The following GUF1 variants were observed in gnomAD, a reference collection of about 807,000 sequenced individuals.
GUF1 encodes the protein GTP binding elongation factor GUF1.
GUF1 carries 78 observed loss-of-function variants against 82.4 expected under a neutral mutation model. The ratio of observed to expected loss-of-function variants is 0.95; its 90% CI spans 0.79 to 1.14. GUF1 has a LOEUF of 1.14. Ranked by LOEUF, GUF1 falls within the 50% of genes most tolerant of loss-of-function variation. GUF1 has a pLI of 0.00. For missense variants in GUF1, 814 were observed against 798.2 expected (o/e 1.02, Z -0.24); for synonymous variants, 279 against 282.3 (o/e 0.99, Z 0.12).
chr4:44,686,810 G>C, intron 8 of GUF1, 97 bp downstream of exon 8: 1 of 817,310 alleles, frequency 1.2e-6, no homozygotes, highest in African/African-American at 1.7e-5. Flanking sequence ...TCCTCATTTG[G>C]TAACTTAAAA....
At position 44,695,601 on chromosome 4, in the gene GUF1, T is replaced by C. The variant is rs374637624; in HGVS notation, c.1716-14T>C. 1 of 1,600,170 alleles carries C rather than the reference T, an allele frequency of 6.2e-7. No individual in the cohort carries two copies. Among genetic ancestry groups the C allele is most frequent in the Non-Finnish European group, 8.5e-7 (1 of 1,174,436 alleles). On this transcript the variant is annotated splice_polypyrimidine_tract_variant and intron_variant, in intron 14 of 16. Transcript: ENST00000281543. The stretch of plus-strand genomic sequence containing the variant: ...TATTTAGGATATATAAACAGTTGTA[T>C]TTTTCTGTCTCAGAGACAAAGCTCA...
chr4:44,694,373 G>C (rs956776131), intron 13 of GUF1, 39 bp from the exon 14 acceptor site: 1 of 1,162,156 alleles, frequency 8.6e-7, no homozygotes, highest in African/African-American at 1.5e-5. Context: ...AATCTCTCAG[G>C]AAGTGTAATA....
intron 9 of GUF1, among the ~76,000 whole-genome samples, chr4:44,688,880 A>G (rs1026083993): frequency 1.3e-5 from 2 of 151,936 alleles, no homozygotes; most frequent in African/African-American, 2.4e-5. Flanking sequence ...TAGAGAATTG[A>G]GAGTGCAGTA....
Position 44,688,071 on chromosome 4 carries a change from G to T in GUF1, c.1003G>T (p.Asp335Tyr). The change falls in exon 9 of 17, where the codon GAT becomes TAT. Residue 335 changes from aspartate to tyrosine, a missense_variant. Transcript: ENST00000281543. ...AGATGTCACTGAAGCGCAAATAGGA[G>T]ATACATTATGTTTACATAAGCAACC... ...MKDVTEAQIGDTLCLHKQPVE... is the reference protein window; with the variant it reads ...MKDVTEAQIGYTLCLHKQPVE... 1.2e-6 allele frequency: 2 copies of T among 1,612,376 alleles called. No individual in the cohort carries two copies. Among genetic ancestry groups the T allele is most frequent in the Non-Finnish European group, 1.7e-6 (2 of 1,178,760 alleles).
chr4:44,690,184 A>G (rs1391298964), intron 11 of GUF1, among the ~76,000 whole-genome samples: 1 of 151,878 alleles, frequency 6.6e-6, no homozygotes, highest in Non-Finnish European at 1.5e-5. Context: ...AATTTATGCA[A>G]TATTTTTCTT....
intron 14 of GUF1, 133 bp downstream of exon 14, chr4:44,694,646 TTC>T (rs1715673664): frequency 3.3e-6 from 2 of 604,930 alleles, no homozygotes; most frequent in Non-Finnish European, 5.9e-6. Flanking sequence ...TAACTTTGCT[TTC>T]TCTTTTTTTT....
chr4:44,685,335 A>G (rs990313196), intron 6 of GUF1, among the ~76,000 whole-genome samples: 11 of 152,064 alleles, frequency 7.2e-5, no homozygotes, highest in African/African-American at 2.7e-4. Context: ...TCCCAAAACA[A>G]AGAATTATCT....
At chr4:44,679,803 TAAC>T (rs1714659483) in intron 1 of GUF1, among the ~76,000 whole-genome samples, 1 of 152,188 alleles carries the variant, frequency 6.6e-6, no homozygotes, top group South Asian at 2.1e-4. Context: ...TTTTGCTTGA[TAAC>T]AATTTCTAGC....
Position 44,699,350 on chromosome 4 carries a change from T to C in GUF1, c.*669T>C, listed in dbSNP as rs1716070499. 1 of 152,192 alleles carries C rather than the reference T, an allele frequency of 6.6e-6. No homozygotes were observed. The highest frequency in any genetic ancestry group is 2.4e-5 in the African/African-American group (1 of 41,416). The allele number at this position is 152,192 out of a possible 1,614,324, so 9.4% of individuals were successfully genotyped here. A position where few individuals can be genotyped will look rare whatever the true frequency, so the allele number is the denominator to read the frequency against. The stretch of plus-strand genomic sequence containing the variant: ...GGCGTGCACCACCATGCTCGGCTAA[T>C]TTTTTGTATCTTTAGTAGAGTCGGG... On this transcript the variant is annotated 3_prime_UTR_variant, in exon 17 of 17. Transcript: ENST00000281543.
At chr4:44,681,007 CA>C in intron 3 of GUF1, 115 bp from the exon 4 acceptor site, 1 of 1,159,778 alleles carries the variant, frequency 8.6e-7, no homozygotes. Context: ...GTGCAGGCTA[CA>C]AAAAAGAAAC....
chr4:44,683,401 C>G, intron 6 of GUF1, 83 bp downstream of exon 6: 2 of 728,906 alleles, frequency 2.7e-6, no homozygotes, highest in Non-Finnish European at 4.5e-6. Context: ...TATTTGATAA[C>G]CTGGCATTAT....
rs150742667 is a variant in GUF1 at position 44,695,828 on chromosome 4, C to T, written c.1835+94C>T. ...TTGAACATTTTAATTTAACATTGGC[C>T]TAAGCTTTCTTACTTGTAGAAACAG... On this transcript the variant is annotated intron_variant, in intron 15 of 16. Transcript: ENST00000281543. The T allele has an allele frequency of 7.2e-4, 894 of 1,240,600 alleles. 3 individuals carry two copies. The African/African-American group carries it at 0.012, about 16-fold the overall frequency. 76.8% of individuals were successfully genotyped at this position (1,240,600 alleles called of 1,614,324 possible). A position where few individuals can be genotyped will look rare whatever the true frequency, so the allele number is the denominator to read the frequency against.
At position 44,698,838 on chromosome 4, in the gene GUF1, G is replaced by C; in HGVS notation, c.*157G>C. Reference sequence around the variant, plus strand: ...TAGTTAGTGGGTAGGCAAGAGCTTAGATTTTGAAGCCATGTTGCCTGTTCT... The same window carrying C: ...TAGTTAGTGGGTAGGCAAGAGCTTACATTTTGAAGCCATGTTGCCTGTTCT... On this transcript the variant is annotated 3_prime_UTR_variant, in exon 17 of 17. Transcript: ENST00000281543. The C allele has an allele frequency of 1.6e-6, 1 of 622,238 alleles. No homozygotes were observed. Among genetic ancestry groups the C allele is most frequent in the Non-Finnish European group, 2.7e-6 (1 of 366,674 alleles). The allele number at this position is 622,238 out of a possible 1,614,324, so 38.5% of individuals were successfully genotyped here.
chr4:44,697,756 A>G (rs867224248), intron 16 of GUF1, among the ~76,000 whole-genome samples: 1 of 152,230 alleles, frequency 6.6e-6, no homozygotes, highest in Non-Finnish European at 1.5e-5. Flanking sequence ...GATCTAACAT[A>G]TAATGAAAGA....
chr4:44,689,505 CT>C, intron 10 of GUF1, 96 bp downstream of exon 10: 1 of 1,301,840 alleles, frequency 7.7e-7, no homozygotes, highest in Non-Finnish European at 1.0e-6. Context: ...TAAAAAATAT[CT>C]TTATAAGTAA....
intron 1 of GUF1, 132 bp downstream of exon 1, chr4:44,678,919 C>A: frequency 1.1e-6 from 1 of 910,944 alleles, no homozygotes; most frequent in Non-Finnish European, 1.6e-6. Flanking sequence ...GGAGGCAGAG[C>A]GGAGAGTGTG....
chr4:44,690,672 CATT>C (rs755556355), intron 11 of GUF1, 42 bp from the exon 12 acceptor site: 11 of 1,126,884 alleles, frequency 9.8e-6, no homozygotes, highest in Admixed American at 2.2e-5. Context: ...AAATGATAAT[CATT>C]ATATTAAGAT....
In GUF1 at chr4:44,680,448, T is replaced by C. The variant is rs6447368; in HGVS notation, c.173T>C (p.Leu58Pro). The C allele has an allele frequency of 0.6, 941,189 of 1,569,056 alleles. 288,469 individuals carry two copies. Among genetic ancestry groups the C allele is most frequent in the Non-Finnish European group, 0.64 (730,254 of 1,145,530 alleles). The change falls in exon 2 of 17, where the codon CTT (leucine) becomes CCT (proline). Residue 58 changes from leucine (L) to proline (P), a missense_variant. Transcript: ENST00000281543. ...LYSSAEFKEK[L>P]DMSRFPVENI... is the part of the protein sequence containing the mutation. Reference sequence around the variant, plus strand: ...GGTATTTCCCCTTTCTAGGAAAAACTTGACATGTCTAGGTTTCCTGTTGAA... The same window carrying C: ...GGTATTTCCCCTTTCTAGGAAAAACCTGACATGTCTAGGTTTCCTGTTGAA...
chr4:44,696,681 C>T (rs1007014299), intron 15 of GUF1, among the ~76,000 whole-genome samples: 5 of 152,140 alleles, frequency 3.3e-5, no homozygotes, highest in African/African-American at 1.2e-4. Flanking sequence ...GTTTGAAATA[C>T]ATTTCATTTC....
Sources: allele counts gnomAD v4.1 joint callset (sites outside exome capture counted in the v4.1 genomes callset), GRCh38; gene constraint gnomAD v4.1.1; transcripts MANE v1.5; gene names NCBI Gene and HGNC (gene_info 2026-07-23, HGNC 2026-07-21).